FHIT: variants seen among roughly 807,000 people sequenced by gnomAD.
The protein encoded by FHIT is fragile histidine triad diadenosine triphosphatase.
Under a neutral mutation model 17.9 loss-of-function variants are expected in FHIT, and 19 were observed. The ratio of observed to expected loss-of-function variants is 1.06; its 90% CI spans 0.74 to 1.56. The LOEUF (loss-of-function observed/expected upper bound fraction) is 1.56. FHIT is among the 40% of genes most tolerant of loss of function. The pLI, the probability that FHIT is intolerant of heterozygous loss-of-function variation, is 0.00. For missense variants in FHIT, 248 were observed against 189.2 expected (o/e 1.31, Z -1.82); for synonymous variants, 81 against 69.7 (o/e 1.16, Z -0.81).
intron 7 of FHIT, among the ~76,000 whole-genome samples, chr3:59,975,400 G>C (rs927631521): frequency 6.6e-6 from 1 of 152,066 alleles, no homozygotes; most frequent in Non-Finnish European, 1.5e-5. Flanking sequence ...GGGCTACTAT[G>C]AAATGTAATG....
intron 5 of FHIT, among the ~76,000 whole-genome samples, chr3:60,509,729 C>G (rs936236221): frequency 2.0e-5 from 3 of 152,230 alleles, no homozygotes; most frequent in Non-Finnish European, 2.9e-5. Context: ...GCTACACTTG[C>G]AATCCAGACT....
intron 2 of FHIT, among the ~76,000 whole-genome samples, chr3:61,153,541 G>C (rs945043440): frequency 3.3e-5 from 5 of 152,116 alleles, no homozygotes; most frequent in Non-Finnish European, 5.9e-5. Context: ...TTCACTTTTT[G>C]TCTTTGAGTG....
At chr3:59,960,003 C>A (rs770045531) in intron 7 of FHIT, among the ~76,000 whole-genome samples, 7 of 152,062 alleles carry the variant, frequency 4.6e-5, no homozygotes, top group African/African-American at 1.7e-4. Context: ...CAGAGCACAT[C>A]GAGCAGGTCA....
At chr3:60,165,074 A>G (rs1189573259) in intron 5 of FHIT, among the ~76,000 whole-genome samples, 8 of 152,170 alleles carry the variant, frequency 5.3e-5, no homozygotes. Context: ...CAGGCAAATA[A>G]CCTGAATGAG....
intron 8 of FHIT, among the ~76,000 whole-genome samples, chr3:59,902,334 C>A (rs1034976514): frequency 6.6e-6 from 1 of 151,778 alleles, no homozygotes; most frequent in Admixed American, 6.6e-5. Flanking sequence ...AAAAGGGAAC[C>A]CTTCTTGGTA....
chr3:60,512,931 C>T (rs1396104499), intron 5 of FHIT, among the ~76,000 whole-genome samples: 1 of 152,114 alleles, frequency 6.6e-6, no homozygotes, highest in Non-Finnish European at 1.5e-5. Flanking sequence ...AATTTAGGAA[C>T]CTTGACTGGA....
At chr3:59,765,525 G>GAGTT (rs1164781403) in intron 8 of FHIT, among the ~76,000 whole-genome samples, 6 of 152,210 alleles carry the variant, frequency 3.9e-5, no homozygotes, top group African/African-American at 1.4e-4. Context: ...ACTTGATCAA[G>GAGTT]AGTTAGAACT....
chr3:60,393,665 C>T (rs977654832), intron 5 of FHIT, among the ~76,000 whole-genome samples: 3 of 151,976 alleles, frequency 2.0e-5, no homozygotes, highest in South Asian at 2.1e-4. Context: ...TTTCTTCCTA[C>T]GTTTTTTTTA....
chr3:60,825,923 G>A (rs373798551), intron 3 of FHIT, among the ~76,000 whole-genome samples: 8 of 152,248 alleles, frequency 5.3e-5, no homozygotes, highest in South Asian at 2.1e-4. Flanking sequence ...AGAAAGTGGA[G>A]GGTGGAGGGA....
chr3:60,356,822 A>G (rs74995133), intron 5 of FHIT, among the ~76,000 whole-genome samples: 2,678 of 150,852 alleles, frequency 0.018, 72 homozygotes, highest in African/African-American at 0.053. Flanking sequence ...ACTTGGAATA[A>G]TAATTCTACC....
intron 5 of FHIT, among the ~76,000 whole-genome samples, chr3:60,225,863 G>T (rs1388760099): frequency 6.6e-6 from 1 of 152,082 alleles, no homozygotes; most frequent in East Asian, 1.9e-4. Flanking sequence ...ACTTCCCTCA[G>T]CAGATCTACA....
intron 5 of FHIT, among the ~76,000 whole-genome samples, chr3:60,153,537 T>C (rs1700559070): frequency 6.6e-6 from 1 of 152,292 alleles, no homozygotes; most frequent in Non-Finnish European, 1.5e-5. Context: ...CATTAATTAA[T>C]GCTAGAAAAC....
rs1309078357 is a variant in FHIT, at chr3:60,425,842, T to G, written c.103+111018A>C. ...GTAAATGATAGGATCCCAGCTTAAA[T>G]CAAATCAATATATATTTATTGATAG... On this transcript the variant is annotated intron_variant, in intron 5 of 9. Transcript: ENST00000492590. Among the ~76,000 whole-genome samples, 4 of 152,046 alleles carry G rather than the reference T, an allele frequency of 2.6e-5. No homozygotes were observed. In the East Asian group the frequency reaches 7.7e-4, roughly 29 times the overall value.
intron 2 of FHIT, among the ~76,000 whole-genome samples, chr3:61,053,424 C>G (rs371366998): frequency 5.9e-5 from 9 of 151,836 alleles, no homozygotes; most frequent in African/African-American, 1.9e-4. Flanking sequence ...TTTGGGAGGC[C>G]GAGGCAGGTG....
chr3:60,987,684 C>T (rs1443192764), intron 3 of FHIT, among the ~76,000 whole-genome samples: 1 of 152,170 alleles, frequency 6.6e-6, no homozygotes, highest in Non-Finnish European at 1.5e-5. Flanking sequence ...GTTAGGGTCT[C>T]CCTGACCAAG....
At chr3:60,208,045 C>T (rs1288523006) in intron 5 of FHIT, among the ~76,000 whole-genome samples, 1 of 152,158 alleles carries the variant, frequency 6.6e-6, no homozygotes, top group Non-Finnish European at 1.5e-5. Flanking sequence ...TACTTGACAG[C>T]AATGCTTTTA....
At chr3:60,489,625 A>T (rs1489492809) in intron 5 of FHIT, among the ~76,000 whole-genome samples, 1 of 152,206 alleles carries the variant, frequency 6.6e-6, no homozygotes, top group Non-Finnish European at 1.5e-5. Flanking sequence ...CAATAAGAAC[A>T]TCTGCCTGCT....
At chr3:60,768,743 G>A (rs1054470554) in intron 4 of FHIT, among the ~76,000 whole-genome samples, 4 of 152,308 alleles carry the variant, frequency 2.6e-5, no homozygotes, top group South Asian at 4.1e-4. Flanking sequence ...AAGGCATACC[G>A]CCTGACCTGC....
intron 7 of FHIT, among the ~76,000 whole-genome samples, chr3:59,929,610 G>T (rs11714533): frequency 2.6e-5 from 4 of 151,622 alleles, no homozygotes; most frequent in Non-Finnish European, 1.5e-5. Context: ...CCCAACCTCA[G>T]GTGATCATGC....
Sources: gnomAD v4.1 joint callset for allele counts (sites outside exome capture counted in the v4.1 genomes callset) on GRCh38, gnomAD v4.1.1 for gene constraint, MANE v1.5 for transcripts, NCBI Gene and HGNC (gene_info 2026-07-23, HGNC 2026-07-21) for gene names.